DNM1: variants seen among roughly 807,000 people sequenced by gnomAD.
DNM1 encodes dynamin 1.
DNM1 carries 29 observed loss-of-function variants against 104.6 expected under a neutral mutation model. That is an observed-to-expected ratio of 0.28 (90% CI 0.21 to 0.38). DNM1 has a LOEUF of 0.38. Among genes scored for constraint, DNM1 ranks in the 10% least tolerant of loss-of-function variants. The probability of loss-of-function intolerance (pLI) is 1.00; values close to 1 mark genes in which losing one functional copy is unlikely to be tolerated. For synonymous variants in DNM1, 445 were observed against 475.8 expected (o/e 0.94, Z 0.84); for missense variants, 640 against 1,189.4 (o/e 0.54, Z 6.79).
chr9:128,207,871 G>A (rs879924299), intron 1 of DNM1, among the ~76,000 whole-genome samples: 8 of 152,018 alleles, frequency 5.3e-5, no homozygotes, highest in Admixed American at 1.3e-4. Flanking sequence ...CCAGGATGGG[G>A]GCACGGGTTG....
At chr9:128,250,425 G>C in intron 20 of DNM1, 69 bp downstream of exon 20, 1 of 1,439,288 alleles carries the variant, frequency 6.9e-7, no homozygotes, top group Non-Finnish European at 9.2e-7. Flanking sequence ...TGCCGGGACC[G>C]GGCAGTGGCG....
Position 128,220,356 on chromosome 9 carries a change from C to T in DNM1, c.849+15C>T. On this transcript the variant is annotated intron_variant, in intron 6 of 21. Coordinates refer to ENST00000372923, the MANE Select transcript of DNM1 (RefSeq NM_004408.4). The surrounding 1 kb of genome is among the most constrained non-coding windows in gnomAD (Gnocchi z 5.2). ...TCCTCAATCAGGTAGGCGACCAAGC[C>T]AGGATGGGGCCTGGGGAAACAAGCA... is the stretch of plus-strand genomic sequence containing the variant. The T allele has an allele frequency of 1.9e-6, 3 of 1,612,214 alleles. No homozygotes were observed. Among genetic ancestry groups the T allele is most frequent in the Non-Finnish European group, 2.5e-6 (3 of 1,179,600 alleles).
intron 1 of DNM1, among the ~76,000 whole-genome samples, chr9:128,206,386 G>A (rs1391621175): frequency 6.6e-6 from 1 of 152,150 alleles, no homozygotes; most frequent in East Asian, 1.9e-4. Flanking sequence ...GGAAAACTGA[G>A]GCCAATTCAT....
Position 128,250,203 on chromosome 9 carries a change from C to T in DNM1, c.2165C>T (p.Ala722Val), listed in dbSNP as rs1829427965. ...CTGATGGAGGAGTCGGCGGAGCAGG[C>T]ACAGCGGCGCGACGAGATGCTGCGC... ...NTLMEESAEQ[A>V]QRRDEMLRMY... Residue 722 changes from alanine to valine, a missense_variant, in exon 20 of 22, where the codon GCA becomes GTA. Ala to Val is a moderately conservative substitution (Grantham distance 64). This residue lies in a region of DNM1 where 129 missense variants were observed against 224.6 expected (regional missense o/e 0.57). Coordinates refer to ENST00000372923, the MANE Select transcript of DNM1 (RefSeq NM_004408.4). 1 of 1,614,172 alleles carries T rather than the reference C, an allele frequency of 6.2e-7. No individual in the cohort carries two copies. The highest frequency in any genetic ancestry group is 8.5e-7 in the Non-Finnish European group (1 of 1,180,036).
Position 128,219,975 on chromosome 9 carries a change from C to T in DNM1, c.590-13C>T. The T allele has an allele frequency of 6.5e-7, 1 of 1,548,686 alleles. No individual in the cohort carries two copies. Among genetic ancestry groups the T allele is most frequent in the South Asian group, 1.2e-5 (1 of 84,084 alleles). On this transcript the variant is annotated splice_polypyrimidine_tract_variant and intron_variant, in intron 4 of 21. Coordinates refer to ENST00000372923, the MANE Select transcript of DNM1 (RefSeq NM_004408.4). ...GGTGCAGCTGTAGACGGCCCTCCTG[C>T]TGGTGCACCCAGGCCAGCGCACCAT...
chr9:128,232,240 G>C (rs551099269), intron 10 of DNM1: 1 of 344,336 alleles, frequency 2.9e-6, no homozygotes, highest in Non-Finnish European at 5.7e-6. Context: ...CTCAGAGGAG[G>C]CCTGGTGGCT....
At chr9:128,251,126 G>A in intron 21 of DNM1, 186 bp downstream of exon 21, 1 of 655,982 alleles carries the variant, frequency 1.5e-6, no homozygotes, top group East Asian at 2.9e-5. Flanking sequence ...GCCCCCGAGG[G>A]AGCGCTGAGT....
In DNM1 at chr9:128,253,246, C is replaced by A; in HGVS notation, c.2535-1408C>A. 2 of 1,002,362 alleles carry A rather than the reference C, an allele frequency of 2.0e-6. No homozygotes were observed. Among genetic ancestry groups the A allele is most frequent in the Non-Finnish European group, 1.5e-6 (1 of 658,726 alleles). The allele number at this position is 1,002,362 out of a possible 1,614,324, so 62.1% of individuals were successfully genotyped here. A position where few individuals can be genotyped will look rare whatever the true frequency, so the allele number is the denominator to read the frequency against. On this transcript the variant is annotated intron_variant, in intron 21 of 21. Coordinates refer to ENST00000372923, the MANE Select transcript of DNM1 (RefSeq NM_004408.4). This position sits in a 1 kb window ranked among gnomAD's most constrained non-coding sequence, Gnocchi z 5.9. ...CTCAGAGCCAGGCTCCCCGCCCCTC[C>A]CTTCTGCAGCTGCAGACTTGCTCTT...
intron 11 of DNM1, among the ~76,000 whole-genome samples, chr9:128,236,629 TTA>T (rs1836029705): frequency 6.6e-6 from 1 of 152,012 alleles, no homozygotes; most frequent in African/African-American, 2.4e-5. Context: ...GGTGGGAGGA[TTA>T]TATGAGCCCA....
intron 10 of DNM1, among the ~76,000 whole-genome samples, chr9:128,229,934 G>A (rs1446034593): frequency 2.1e-5 from 3 of 145,688 alleles, no homozygotes; most frequent in Admixed American, 7.0e-5. Context: ...AAGGGAGGGT[G>A]GGTGGCCAGG....
rs762617295 is a variant in DNM1 at position 128,254,726 on chromosome 9, CTCT to C, written c.*16_*18del. 2 of 1,595,352 alleles carry C rather than the reference CTCT, an allele frequency of 1.3e-6. No individual in the cohort carries two copies. The highest frequency in any genetic ancestry group is 4.5e-5 in the East Asian group (2 of 44,868). ...CCTTCGACCTCTAAACAGATCCCTC[CTCT>C]TCTCGGAGACCTCCCTTTCCAAGCC... On this transcript the variant is annotated 3_prime_UTR_variant, in exon 22 of 22. Coordinates refer to ENST00000372923, the MANE Select transcript of DNM1 (RefSeq NM_004408.4). This position sits in a 1 kb window ranked among gnomAD's most constrained non-coding sequence, Gnocchi z 6.1.
At chr9:128,249,312 C>G (rs551082605) in intron 19 of DNM1, among the ~76,000 whole-genome samples, 72 of 152,162 alleles carry the variant, frequency 4.7e-4, no homozygotes, top group African/African-American at 1.6e-3. Context: ...GAGTTCAAGA[C>G]CAGCTTGGGC....
At chr9:128,212,149 G>T (rs533737618) in intron 1 of DNM1, among the ~76,000 whole-genome samples, 1 of 152,348 alleles carries the variant, frequency 6.6e-6, no homozygotes, top group Admixed American at 6.5e-5. Context: ...GGCACCCCCT[G>T]TTAGGTCCTT....
chr9:128,207,271 G>A (rs1201528015), intron 1 of DNM1, among the ~76,000 whole-genome samples: 1 of 152,118 alleles, frequency 6.6e-6, no homozygotes, highest in East Asian at 1.9e-4. Flanking sequence ...CAAGTTGAGA[G>A]CTCAGGGGGA....
chr9:128,218,245 G>A lies in DNM1; in HGVS notation c.176G>A (p.Arg59Gln). 1 of 1,613,982 alleles carries A rather than the reference G, an allele frequency of 6.2e-7. No individual in the cohort carries two copies. Among genetic ancestry groups the A allele is most frequent in the Non-Finnish European group, 8.5e-7 (1 of 1,179,984 alleles). ...ENFVGRDFLPRGSGIVTRRPL... is the reference protein window; with the variant it reads ...ENFVGRDFLPQGSGIVTRRPL... ...ACTCATTGCAGGGACTTCTTGCCTC[G>A]AGGATCTGGCATTGTCACCCGACGT... The change falls in exon 2 of 22, where the codon CGA (arginine) becomes CAA (glutamine). Residue 59 changes from arginine (R) to glutamine (Q), a missense_variant. Arg to Gln is a conservative substitution (Grantham distance 43). This residue lies in a region of DNM1 where 172 missense variants were observed against 335.3 expected (regional missense o/e 0.51). Coordinates refer to ENST00000372923, the MANE Select transcript of DNM1 (RefSeq NM_004408.4). This position sits in a 1 kb window ranked among gnomAD's most constrained non-coding sequence, Gnocchi z 4.8.
intron 14 of DNM1, among the ~76,000 whole-genome samples, chr9:128,241,353 C>T (rs757606305): frequency 1.2e-4 from 19 of 152,142 alleles, no homozygotes; most frequent in Non-Finnish European, 2.1e-4. Flanking sequence ...GGCCCTGGAC[C>T]GTGGCCATGG....
At chr9:128,234,898 T>G (rs971086329) in intron 11 of DNM1, 8 of 152,174 alleles carry the variant, frequency 5.3e-5, no homozygotes, top group African/African-American at 1.9e-4. Flanking sequence ...GTTCAAGCGA[T>G]TCTCCTGCCT....
In DNM1 at chr9:128,203,751, GC is replaced by G. The variant is rs1833645819; in HGVS notation, c.161+126del. 1.8e-5 allele frequency: 17 copies of G among 930,586 alleles called. No homozygotes were observed. Among genetic ancestry groups the G allele is most frequent in the South Asian group, 3.9e-5 (1 of 25,648 alleles). 57.6% of individuals were successfully genotyped at this position (930,586 alleles called of 1,614,324 possible). On this transcript the variant is annotated intron_variant, in intron 1 of 21. Transcript: ENST00000372923. The surrounding 1 kb of genome is among the most constrained non-coding windows in gnomAD (Gnocchi z 5.3). The stretch of plus-strand genomic sequence containing the variant: ...CCGACGCTGCACCCGCGGCCGGCGC[GC>G]CCCCCACCCCCAGCCGGAGCGAGGA...
chr9:128,253,028 G>A lies in DNM1; in HGVS notation c.2535-1626G>A. ...TGTGCACGCCCGGGCGTGTGCGTGT[G>A]TGTGTCCCCCACCCCCAGGCCGGCC... is the stretch of plus-strand genomic sequence containing the variant. On this transcript the variant is annotated intron_variant, in intron 21 of 21. Coordinates refer to ENST00000372923, the MANE Select transcript of DNM1 (RefSeq NM_004408.4). This position sits in a 1 kb window ranked among gnomAD's most constrained non-coding sequence, Gnocchi z 5.9. 6.8e-7 allele frequency: 1 copy of A among 1,477,540 alleles called. No individual in the cohort carries two copies. The allele number at this position is 1,477,540 out of a possible 1,614,324, so 91.5% of individuals were successfully genotyped here.
Sources: allele counts gnomAD v4.1 joint callset (sites outside exome capture counted in the v4.1 genomes callset), GRCh38; gene constraint gnomAD v4.1.1; regional missense constraint gnomAD v4.1.1; non-coding constraint Gnocchi (gnomAD v3.1); transcripts MANE v1.5; gene names NCBI Gene and HGNC (gene_info 2026-07-23, HGNC 2026-07-21).